Variants in KALRN observed in about 807,000 individuals in gnomAD.
KALRN encodes the protein kalirin.
Under a neutral mutation model 353.7 loss-of-function variants are expected in KALRN, and 70 were observed. The observed-to-expected ratio is 0.20, with a 90% CI of 0.16 to 0.24. The LOEUF is 0.24. Among genes scored for constraint, KALRN ranks in the 10% least tolerant of loss-of-function variants. The probability of loss-of-function intolerance (pLI) is 1.00; values close to 1 mark genes in which losing one functional copy is unlikely to be tolerated. For missense variants in KALRN, 2,791 were observed against 3,756.7 expected (o/e 0.74, Z 6.72); for synonymous variants, 1,391 against 1,434.8 (o/e 0.97, Z 0.69).
intron 1 of KALRN, among the ~76,000 whole-genome samples, chr3:124,135,818 C>T (rs2065859466): frequency 6.6e-6 from 1 of 152,040 alleles, no homozygotes; most frequent in East Asian, 1.9e-4. Flanking sequence ...TCAGAGTCAA[C>T]CAGGGGCCCA....
At chr3:124,257,116 T>G (rs945757140) in intron 3 of KALRN, among the ~76,000 whole-genome samples, 2 of 152,218 alleles carry the variant, frequency 1.3e-5, no homozygotes, top group Non-Finnish European at 2.9e-5. Context: ...TTCTGTATGG[T>G]GTAGTTGTTG....
intron 1 of KALRN, among the ~76,000 whole-genome samples, chr3:124,051,809 C>T (rs987069657): frequency 3.9e-5 from 6 of 152,122 alleles, no homozygotes; most frequent in African/African-American, 4.8e-5. Context: ...CAAGTCAAGC[C>T]GGGTGGGGCA....
rs1320683873 is a variant in KALRN at position 124,719,137 on chromosome 3, G to A, written c.8628G>A (p.Gly2876=). 3 of 1,614,088 alleles carry A rather than the reference G, an allele frequency of 1.9e-6. No homozygotes were observed. The African/African-American group carries it at 4.0e-5, about 22-fold the overall frequency. Residue 2876 remains glycine, a synonymous_variant, in exon 60 of 60, where the codon GGG becomes GGA. Coordinates refer to ENST00000682506, the MANE Select transcript of KALRN (RefSeq NM_001388419.1). This position sits in a 1 kb window ranked among gnomAD's most constrained non-coding sequence, Gnocchi z 5.3. ...TTCTGACATATGTCATGCTGAGTGG[G>A]GTCTCCCCCTTCTTGGATGAGAGCA... is the stretch of plus-strand genomic sequence containing the variant. The part of the protein sequence containing the change: ...IGVLTYVMLS[G]VSPFLDESKE...
intron 5 of KALRN, among the ~76,000 whole-genome samples, chr3:124,277,996 A>ATGTGTGTGTGTGTGTGTGTGTG (rs3054178): frequency 6.8e-6 from 1 of 146,114 alleles, no homozygotes; most frequent in East Asian, 2.1e-4. Context: ...GAGATGAACT[A>ATGTGTGTGTGTGTGTGTGTGTG]TGTGTGTGTG....
intron 19 of KALRN, among the ~76,000 whole-genome samples, chr3:124,444,099 T>C (rs1047160138): frequency 2.6e-5 from 4 of 152,174 alleles, no homozygotes; most frequent in African/African-American, 9.7e-5. Context: ...ACTGTAAACA[T>C]ATGTTGTTGA....
chr3:124,319,206 C>G (rs767946301), intron 6 of KALRN, among the ~76,000 whole-genome samples: 17 of 151,618 alleles, frequency 1.1e-4, no homozygotes, highest in Admixed American at 2.0e-4. Context: ...TACCAAATGC[C>G]TATAATCCCA....
At chr3:124,434,955 C>A (rs1363780481) in intron 17 of KALRN, among the ~76,000 whole-genome samples, 1 of 152,250 alleles carries the variant, frequency 6.6e-6, no homozygotes, top group African/African-American at 2.4e-5. Flanking sequence ...CTTCGAGCTG[C>A]AGACTGGGTC....
At chr3:124,636,981 A>G (rs2081417730) in intron 36 of KALRN, 1 of 499,882 alleles carries the variant, frequency 2.0e-6, no homozygotes, top group Admixed American at 3.2e-5. Context: ...TTGCCTAAGG[A>G]TAGCCTAGTA....
chr3:124,358,385 CT>C (rs752345256), intron 10 of KALRN, among the ~76,000 whole-genome samples: 189 of 151,486 alleles, frequency 1.2e-3, no homozygotes, highest in African/African-American at 4.3e-3. Flanking sequence ...GGAAGGAAGT[CT>C]TTTTTTTTCT....
At chr3:124,376,113 G>A (rs11718311) in intron 10 of KALRN, among the ~76,000 whole-genome samples, 49,715 of 152,048 alleles carry the variant, frequency 0.33, 9,228 homozygotes, top group Middle Eastern at 0.51. Flanking sequence ...TGATTATTAC[G>A]TATGTAAATG....
intron 1 of KALRN, among the ~76,000 whole-genome samples, chr3:124,121,806 T>A (rs2064054628): frequency 1.3e-5 from 2 of 152,222 alleles, no homozygotes; most frequent in African/African-American, 4.8e-5. Context: ...AGGTGTCAGC[T>A]GTTGAAGGTG....
intron 8 of KALRN, among the ~76,000 whole-genome samples, chr3:124,330,246 T>TCACACACACACACACA (rs774251256): frequency 2.5e-4 from 34 of 134,306 alleles, no homozygotes; most frequent in Non-Finnish European, 4.4e-4. Flanking sequence ...TCTCTCTCTC[T>TCACACACACACACACA]CACACACACA....
intron 1 of KALRN, among the ~76,000 whole-genome samples, chr3:124,189,965 G>A (rs997147607): frequency 1.6e-4 from 23 of 147,444 alleles, no homozygotes; most frequent in African/African-American, 5.5e-4. Context: ...CAACATAGAA[G>A]CGAGAATTTA....
chr3:124,647,419 G>A (rs560305276), intron 37 of KALRN, among the ~76,000 whole-genome samples: 2 of 152,234 alleles, frequency 1.3e-5, no homozygotes, highest in African/African-American at 4.8e-5. Context: ...CTGCCCCCAT[G>A]TCATTTGTTC....
At chr3:124,267,631 G>T (rs981930236) in intron 4 of KALRN, among the ~76,000 whole-genome samples, 5 of 152,224 alleles carry the variant, frequency 3.3e-5, no homozygotes, top group Non-Finnish European at 7.3e-5. Context: ...GACAACCATT[G>T]TTCCAGACCA....
At chr3:124,660,655 T>C (rs1028360786) in intron 43 of KALRN, among the ~76,000 whole-genome samples, 4 of 127,250 alleles carry the variant, frequency 3.1e-5, no homozygotes, top group Non-Finnish European at 6.2e-5. Flanking sequence ...CACTCCAGCC[T>C]GGGCAACAGA....
At position 124,671,891 on chromosome 3, in the gene KALRN, C is replaced by T; in HGVS notation, c.6935C>T (p.Ala2312Val). 1.2e-6 allele frequency: 2 copies of T among 1,610,526 alleles called. No individual in the cohort carries two copies. Among genetic ancestry groups the T allele is most frequent in the Non-Finnish European group, 8.5e-7 (1 of 1,176,876 alleles). Residue 2312 changes from alanine (A) to valine (V), a missense_variant, in exon 48 of 60, where the codon GCC becomes GTC. This residue lies in a region of KALRN where 1,065 missense variants were observed against 1,156.4 expected (regional missense o/e 0.92). Coordinates refer to ENST00000682506, the MANE Select transcript of KALRN (RefSeq NM_001388419.1). ...CACCAGCCTGGGGACAAGTTCGAAG[C>T]CAGCAAGGTAAGTGACAACTCATTA... ...EYHQPGDKFE[A>V]SKNDLGGCNG... is the part of the protein sequence containing the mutation.
chr3:124,382,961 A>C (rs1486878050), intron 10 of KALRN, among the ~76,000 whole-genome samples: 1 of 152,222 alleles, frequency 6.6e-6, no homozygotes, highest in Admixed American at 6.5e-5. Flanking sequence ...GCTTTAACCC[A>C]GTGGCAAAAC....
At chr3:124,473,046 A>T (rs1255451713) in intron 25 of KALRN, among the ~76,000 whole-genome samples, 3 of 152,246 alleles carry the variant, frequency 2.0e-5, no homozygotes, top group African/African-American at 7.2e-5. Context: ...GTCATCTATT[A>T]TCCCATCAAT....
Sources: allele counts gnomAD v4.1 joint callset (sites outside exome capture counted in the v4.1 genomes callset), GRCh38; gene constraint gnomAD v4.1.1; regional missense constraint gnomAD v4.1.1; non-coding constraint Gnocchi (gnomAD v3.1); transcripts MANE v1.5; gene names NCBI Gene and HGNC (gene_info 2026-07-23, HGNC 2026-07-21).